The following PCDH15 variants were observed in gnomAD, a reference collection of about 807,000 sequenced individuals.
PCDH15 encodes protocadherin-15.
In PCDH15, 129 loss-of-function variants were observed where a neutral mutation model predicts 178.5. That is an observed-to-expected ratio of 0.72 (90% CI 0.63 to 0.84). The LOEUF (loss-of-function observed/expected upper bound fraction) is 0.84. PCDH15 is among the 40% of genes least tolerant of loss of function. The pLI is 0.00. For synonymous variants in PCDH15, 800 were observed against 732.0 expected, an observed-to-expected ratio of 1.09 and a Z score of -1.50; for missense variants, 2,230 against 2,099.9, an observed-to-expected ratio of 1.06 and a Z score of -1.21.
At chr10:54,920,504 G>GTGTGTATA (rs1224578502) in intron 2 of PCDH15, among the ~76,000 whole-genome samples, 1 of 146,470 alleles carries the variant, frequency 6.8e-6, no homozygotes, top group Admixed American at 6.9e-5. Flanking sequence ...AATCTCCAGT[G>GTGTGTATA]TGTGTATATA....
intron 2 of PCDH15, among the ~76,000 whole-genome samples, chr10:55,022,608 T>C (rs1591840756): frequency 6.6e-6 from 1 of 152,250 alleles, no homozygotes; most frequent in East Asian, 1.9e-4. Context: ...CACAATTTTT[T>C]CTGTAAATTT....
At chr10:54,327,859 G>A (rs929884534) in intron 7 of PCDH15, among the ~76,000 whole-genome samples, 1 of 152,002 alleles carries the variant, frequency 6.6e-6, no homozygotes, top group Non-Finnish European at 1.5e-5. Flanking sequence ...TAGGTTTATA[G>A]AAAAATTGAG....
In PCDH15 at chr10:54,434,278, T is replaced by C. The variant is rs116091335; in HGVS notation, c.158-55336A>G. On this transcript the variant is annotated intron_variant, in intron 3 of 37. Coordinates refer to ENST00000644397, the MANE Select transcript of PCDH15 (RefSeq NM_001384140.1). ...TTAATAAATTTATTGTGATGAAGTGTACAGTGTTTATAAAGTCTACAGTAA... is the reference window on the plus strand; with the variant it reads ...TTAATAAATTTATTGTGATGAAGTGCACAGTGTTTATAAAGTCTACAGTAA... Among the ~76,000 whole-genome samples the C allele has an allele frequency of 8.5e-3, 1,287 of 152,288 alleles. 21 individuals carry two copies. The highest frequency in any genetic ancestry group is 0.029 in the African/African-American group (1,224 of 41,550).
intron 1 of PCDH15, among the ~76,000 whole-genome samples, chr10:55,218,169 G>T (rs1303824923): frequency 6.6e-6 from 1 of 151,904 alleles, no homozygotes; most frequent in Admixed American, 6.6e-5. Flanking sequence ...GAAAGTGAAA[G>T]CTCAGAGCAA....
chr10:54,311,767 G>C (rs995952656), intron 8 of PCDH15, among the ~76,000 whole-genome samples: 2 of 151,976 alleles, frequency 1.3e-5, no homozygotes, highest in African/African-American at 4.8e-5. Context: ...GCCAAAGAGA[G>C]TTGTTTATAT....
chr10:54,489,646 T>A (rs1012501545), intron 3 of PCDH15, among the ~76,000 whole-genome samples: 2 of 152,166 alleles, frequency 1.3e-5, no homozygotes, highest in Non-Finnish European at 2.9e-5. Flanking sequence ...GAGATGTACA[T>A]ATACATATTC....
chr10:55,153,757 G>T (rs1406871391), intron 2 of PCDH15, among the ~76,000 whole-genome samples: 1 of 152,114 alleles, frequency 6.6e-6, no homozygotes, highest in Non-Finnish European at 1.5e-5. Context: ...CACCAGCACT[G>T]GTGCTTGAGG....
chr10:55,050,648 T>G (rs899045442), intron 2 of PCDH15, among the ~76,000 whole-genome samples: 1 of 152,068 alleles, frequency 6.6e-6, no homozygotes, highest in East Asian at 1.9e-4. Flanking sequence ...TGGCATATCC[T>G]CTACATTGAG....
intron 2 of PCDH15, among the ~76,000 whole-genome samples, chr10:54,533,078 T>G (rs1261808246): frequency 1.3e-4 from 20 of 152,212 alleles, no homozygotes; most frequent in Admixed American, 1.3e-3. Context: ...TTGATTAATC[T>G]TTCTTAAATG....
chr10:54,546,229 A>G (rs1242897959), intron 2 of PCDH15, among the ~76,000 whole-genome samples: 1 of 152,192 alleles, frequency 6.6e-6, no homozygotes, highest in African/African-American at 2.4e-5. Flanking sequence ...GAAAGAGGCT[A>G]CCTGGATTCT....
chr10:53,855,651 T>C (rs866903359), intron 28 of PCDH15, among the ~76,000 whole-genome samples: 42 of 151,960 alleles, frequency 2.8e-4, no homozygotes, highest in African/African-American at 8.7e-4. Context: ...TCTGACTCTT[T>C]AAAGCTTCTT....
At chr10:55,443,168 A>T (rs1021228164) in intron 2 of PCDH15, among the ~76,000 whole-genome samples, 5 of 152,146 alleles carry the variant, frequency 3.3e-5, no homozygotes, top group African/African-American at 1.2e-4. Flanking sequence ...TAAACATAAG[A>T]CCTAAAACCA....
chr10:54,265,964 C>T (rs1005593841), intron 8 of PCDH15, among the ~76,000 whole-genome samples: 3 of 151,904 alleles, frequency 2.0e-5, no homozygotes, highest in Admixed American at 2.0e-4. Flanking sequence ...ACCCAACAAA[C>T]CACAAAATAT....
chr10:55,471,038 C>G (rs1385286326), intron 2 of PCDH15, among the ~76,000 whole-genome samples: 2 of 152,090 alleles, frequency 1.3e-5, no homozygotes, highest in Non-Finnish European at 2.9e-5. Flanking sequence ...TATGGATATA[C>G]CACAGTGTGT....
intron 2 of PCDH15, among the ~76,000 whole-genome samples, chr10:55,495,567 C>T (rs1221200103): frequency 4.8e-4 from 73 of 151,830 alleles, no homozygotes; most frequent in Admixed American, 4.8e-3. Flanking sequence ...TATCCACTAG[C>T]ATGGTTGTAT....
At chr10:54,268,553 A>G (rs916719541) in intron 8 of PCDH15, among the ~76,000 whole-genome samples, 3 of 151,920 alleles carry the variant, frequency 2.0e-5, no homozygotes, top group Non-Finnish European at 4.4e-5. Context: ...ACTGTGATGC[A>G]TATATACCAT....
intron 2 of PCDH15, among the ~76,000 whole-genome samples, chr10:55,378,728 T>C (rs1003892642): frequency 6.6e-6 from 1 of 152,120 alleles, no homozygotes; most frequent in Non-Finnish European, 1.5e-5. Flanking sequence ...TTATGATCAA[T>C]ACATTTGACC....
intron 3 of PCDH15, among the ~76,000 whole-genome samples, chr10:54,462,517 T>C (rs369343323): frequency 6.6e-5 from 8 of 120,774 alleles, no homozygotes; most frequent in South Asian, 2.9e-4. Context: ...CTTTTCTTTT[T>C]TTTTTTTTTT....
At chr10:55,534,947 G>A (rs1283515451) in intron 2 of PCDH15, among the ~76,000 whole-genome samples, 2 of 152,080 alleles carry the variant, frequency 1.3e-5, no homozygotes, top group South Asian at 4.1e-4. Context: ...ATAATCCTAA[G>A]CCAATTAACA....
Sources: gnomAD v4.1 joint callset for allele counts (sites outside exome capture counted in the v4.1 genomes callset) on GRCh38, gnomAD v4.1.1 for gene constraint, MANE v1.5 for transcripts, NCBI Gene and HGNC (gene_info 2026-07-23, HGNC 2026-07-21) for gene names.